The following GORAB variants were observed in gnomAD, a reference collection of about 807,000 sequenced individuals.
GORAB encodes the protein RAB6-interacting golgin.
Under a neutral mutation model 29.9 loss-of-function variants are expected in GORAB, and 17 were observed. The observed-to-expected ratio is 0.57, with a 90% CI of 0.39 to 0.85. GORAB has a LOEUF of 0.85. GORAB is among the 40% of genes least tolerant of loss of function. The probability of loss-of-function intolerance (pLI) is 0.00; values close to 1 mark genes in which losing one functional copy is unlikely to be tolerated. For missense variants in GORAB, 442 were observed against 437.8 expected, an observed-to-expected ratio of 1.01 and a Z score of -0.09; for synonymous variants, 183 against 157.2, an observed-to-expected ratio of 1.16 and a Z score of -1.23.
rs745905750 is a variant in GORAB at position 170,544,825 on chromosome 1, C to G, written c.642C>G (p.Ser214Arg). 3 of 1,613,236 alleles carry G rather than the reference C, an allele frequency of 1.9e-6. No homozygotes were observed. In the African/African-American group the frequency reaches 4.0e-5, roughly 22 times the overall value. ...TCAGGAACCGGATTGATCAGGCCAG[C>G]TTAGACTATTCATACGCTCGGTGAG... ...GILRNRIDQA[S>R]LDYSYARKRF... Residue 214 changes from serine to arginine, a missense_variant, in exon 4 of 5, where the codon AGC (serine) becomes AGG (arginine). Ser to Arg is a moderately radical substitution (Grantham distance 110). Transcript: ENST00000367763.
intron 4 of GORAB, among the ~76,000 whole-genome samples, chr1:170,551,620 C>T (rs569048121): frequency 3.9e-5 from 6 of 152,264 alleles, no homozygotes; most frequent in African/African-American, 7.2e-5. Flanking sequence ...AGTAATATCA[C>T]GTTGGTGGCT....
intron 1 of GORAB, among the ~76,000 whole-genome samples, chr1:170,534,070 C>T (rs1291586835): frequency 6.6e-6 from 1 of 152,076 alleles, no homozygotes; most frequent in Non-Finnish European, 1.5e-5. Context: ...CCTGTATGGG[C>T]ATTGAGGAAC....
chr1:170,536,649 A>G (rs1649080908), intron 1 of GORAB, among the ~76,000 whole-genome samples: 1 of 152,240 alleles, frequency 6.6e-6, no homozygotes, highest in Non-Finnish European at 1.5e-5. Flanking sequence ...TGAAATTTAC[A>G]AAAGCAAAAA....
chr1:170,542,237 G>T (rs1649477030), intron 2 of GORAB, among the ~76,000 whole-genome samples: 1 of 152,094 alleles, frequency 6.6e-6, no homozygotes, highest in Non-Finnish European at 1.5e-5. Flanking sequence ...TGGATTCCTA[G>T]ATTATATATA....
At position 170,552,315 on chromosome 1, in the gene GORAB, A is replaced by G. The variant is rs759377319; in HGVS notation, c.963A>G (p.Glu321=). 1.2e-6 allele frequency: 2 copies of G among 1,614,156 alleles called. No homozygotes were observed. The highest frequency in any genetic ancestry group is 1.7e-6 in the Non-Finnish European group (2 of 1,179,980). The change falls in exon 5 of 5, where the codon GAA becomes GAG. Residue 321 remains glutamate, a synonymous_variant. Coordinates refer to ENST00000367763, the MANE Select transcript of GORAB (RefSeq NM_152281.3). Reference sequence around the variant, plus strand: ...CTGCGGAGGAGAGTGTGACATTAGAATTTGCTAAAGAGAACAGAAAGTGTC... The same window carrying G: ...CTGCGGAGGAGAGTGTGACATTAGAGTTTGCTAAAGAGAACAGAAAGTGTC... The part of the protein sequence containing the change: ...FQPAEESVTL[E]FAKENRKCQE...
intron 1 of GORAB, among the ~76,000 whole-genome samples, chr1:170,536,825 C>CT (rs1365700664): frequency 1.3e-5 from 2 of 152,118 alleles, no homozygotes; most frequent in African/African-American, 4.8e-5. Flanking sequence ...GCACAAAACC[C>CT]TTTTTATAAA....
At position 170,553,701 on chromosome 1, in the gene GORAB, A is replaced by G; in HGVS notation, c.*1239A>G. The stretch of plus-strand genomic sequence containing the variant: ...TTATGTAATTTGAGTTGAAAGTATA[A>G]CATTTTACTACTGACTTCTCTAAAC... On this transcript the variant is annotated 3_prime_UTR_variant, in exon 5 of 5. Coordinates refer to ENST00000367763, the MANE Select transcript of GORAB (RefSeq NM_152281.3). 1 of 449,868 alleles carries G rather than the reference A, an allele frequency of 2.2e-6. No homozygotes were observed. Among genetic ancestry groups the G allele is most frequent in the South Asian group, 1.6e-5 (1 of 62,776 alleles). 27.9% of individuals were successfully genotyped at this position (449,868 alleles called of 1,614,324 possible). A position where few individuals can be genotyped will look rare whatever the true frequency, so the allele number is the denominator to read the frequency against.
rs1201113138 is a variant in GORAB at position 170,552,012 on chromosome 1, C to G, written c.663-3C>G. ...GGACCTATCTTTATACACATCCTTACAGGAAGCGGTTTGACAGGGCTGAAG... is the reference window on the plus strand; with the variant it reads ...GGACCTATCTTTATACACATCCTTAGAGGAAGCGGTTTGACAGGGCTGAAG... On this transcript the variant is annotated splice_region_variant and splice_polypyrimidine_tract_variant and intron_variant, in intron 4 of 4. Transcript: ENST00000367763. 1.9e-6 allele frequency: 3 copies of G among 1,612,638 alleles called. No homozygotes were observed. The South Asian group carries it at 3.3e-5, about 18-fold the overall frequency.
chr1:170,553,295 A>T lies in GORAB; in HGVS notation c.*833A>T, dbSNP rs1403353663. 3 of 451,252 alleles carry T rather than the reference A, an allele frequency of 6.6e-6. No individual in the cohort carries two copies. Among genetic ancestry groups the T allele is most frequent in the Admixed American group, 2.4e-5 (1 of 42,156 alleles). The allele number at this position is 451,252 out of a possible 1,614,324, so 28.0% of individuals were successfully genotyped here. ...AAAGTTATCTATAAATATGTTTTTG[A>T]TATGTTGGACATGAATTACCCTGTC... On this transcript the variant is annotated 3_prime_UTR_variant, in exon 5 of 5. Transcript: ENST00000367763.
In GORAB at chr1:170,552,507, A is replaced by G; in HGVS notation, c.*45A>G. On this transcript the variant is annotated 3_prime_UTR_variant, in exon 5 of 5. Coordinates refer to ENST00000367763, the MANE Select transcript of GORAB (RefSeq NM_152281.3). ...GCTAATATGGTATTGAGTAAAGTAT[A>G]CTTTTTGCAGTAGATCATGCCCTGA... The G allele has an allele frequency of 6.6e-7, 1 of 1,517,060 alleles. No homozygotes were observed. Among genetic ancestry groups the G allele is most frequent in the Non-Finnish European group, 9.1e-7 (1 of 1,094,768 alleles). The allele number at this position is 1,517,060 out of a possible 1,614,324, so 94.0% of individuals were successfully genotyped here. A position where few individuals can be genotyped will look rare whatever the true frequency, so the allele number is the denominator to read the frequency against.
At chr1:170,549,326 T>A (rs574741854) in intron 4 of GORAB, among the ~76,000 whole-genome samples, 1 of 152,340 alleles carries the variant, frequency 6.6e-6, no homozygotes, top group South Asian at 2.1e-4. Flanking sequence ...ATCAATATTT[T>A]AAACATTAAA....
chr1:170,533,448 A>G (rs548475217), intron 1 of GORAB: 49 of 375,936 alleles, frequency 1.3e-4, no homozygotes, highest in African/African-American at 7.4e-4. Flanking sequence ...ATCCATTCAC[A>G]TACTTTGATA....
Position 170,542,514 on chromosome 1 carries a change from T to C in GORAB, c.443T>C (p.Val148Ala), listed in dbSNP as rs759722411. Reference sequence around the variant, plus strand: ...AGGCAAGAAAAATCTCGTTGGGAAGTCCTCCAACAAGAACAACGGCTAATG... The same window carrying C: ...AGGCAAGAAAAATCTCGTTGGGAAGCCCTCCAACAAGAACAACGGCTAATG... ...VELQEKSRWE[V>A]LQQEQRLMEE... is the part of the protein sequence containing the mutation. The change falls in exon 3 of 5, where the codon GTC (valine) becomes GCC (alanine). Residue 148 changes from valine (V) to alanine (A), a missense_variant. Physicochemically the swap from Val to Ala is moderately conservative, Grantham distance 64 (BLOSUM62 0). Coordinates refer to ENST00000367763, the MANE Select transcript of GORAB (RefSeq NM_152281.3). 3.7e-6 allele frequency: 6 copies of C among 1,613,502 alleles called. No homozygotes were observed. Among genetic ancestry groups the C allele is most frequent in the Non-Finnish European group, 5.1e-6 (6 of 1,179,606 alleles).
At chr1:170,535,131 C>T (rs966575932) in intron 1 of GORAB, among the ~76,000 whole-genome samples, 13 of 152,072 alleles carry the variant, frequency 8.5e-5, no homozygotes, top group Non-Finnish European at 1.9e-4. Context: ...GCAATTAAAT[C>T]CTTTCACCAG....
chr1:170,545,547 AT>A (rs1017017689), intron 4 of GORAB: 17 of 985,000 alleles, frequency 1.7e-5, no homozygotes, highest in African/African-American at 1.4e-4. Flanking sequence ...GGGCAAAAAA[AT>A]ATGTCCAATT....
chr1:170,532,641 T>G (rs1571233989), intron 1 of GORAB: 1 of 303,624 alleles, frequency 3.3e-6, no homozygotes, highest in South Asian at 3.3e-5. Context: ...AGGGTCAGGG[T>G]AAGGGAAGGA....
intron 1 of GORAB, among the ~76,000 whole-genome samples, chr1:170,537,862 A>C (rs1254715555): frequency 6.6e-6 from 1 of 152,196 alleles, no homozygotes; most frequent in Non-Finnish European, 1.5e-5. Flanking sequence ...AATGCAAAAT[A>C]AAATAGAAGT....
Position 170,553,046 on chromosome 1 carries a change from T to G in GORAB, c.*584T>G. On this transcript the variant is annotated 3_prime_UTR_variant, in exon 5 of 5. Transcript: ENST00000367763. ...ACTTAAACCAGCATCACTTTTGTCT[T>G]CAATTTGCCTTCCAGTGATTTTAGT... 2 of 453,896 alleles carry G rather than the reference T, an allele frequency of 4.4e-6. No homozygotes were observed. The highest frequency in any genetic ancestry group is 3.1e-5 in the South Asian group (2 of 64,348). The allele number at this position is 453,896 out of a possible 1,614,324, so 28.1% of individuals were successfully genotyped here. A position where few individuals can be genotyped will look rare whatever the true frequency, so the allele number is the denominator to read the frequency against.
intron 4 of GORAB, among the ~76,000 whole-genome samples, chr1:170,546,925 TC>T (rs1649799084): frequency 6.6e-6 from 1 of 152,088 alleles, no homozygotes; most frequent in Non-Finnish European, 1.5e-5. Flanking sequence ...CCTCAGGTGA[TC>T]CGCCTGCCTC....
Sources: allele counts gnomAD v4.1 joint callset (sites outside exome capture counted in the v4.1 genomes callset), GRCh38; gene constraint gnomAD v4.1.1; transcripts MANE v1.5; gene names NCBI Gene and HGNC (gene_info 2026-07-23, HGNC 2026-07-21).